Variants in ZBTB17 observed in about 807,000 individuals in gnomAD.
ZBTB17 encodes the protein zinc finger and BTB domain containing 17.
In ZBTB17, 24 loss-of-function variants were observed where a neutral mutation model predicts 85.1. That is an observed-to-expected ratio of 0.28 (90% confidence interval 0.20 to 0.40). The LOEUF (loss-of-function observed/expected upper bound fraction) is 0.40, where lower values mean the gene tolerates loss of function less well. Ranked by LOEUF, ZBTB17 falls within the 10% of genes least tolerant of loss-of-function variation. The probability of loss-of-function intolerance (pLI) is 1.00; values close to 1 mark genes in which losing one functional copy is unlikely to be tolerated. For missense variants in ZBTB17, 743 were observed against 1,105.1 expected, an observed-to-expected ratio of 0.67 and a Z score of 4.65; for synonymous variants, 464 against 460.2, an observed-to-expected ratio of 1.01 and a Z score of -0.11.
In ZBTB17 at chr1:15,942,542, G is replaced by C. The variant is rs150167699; in HGVS notation, c.2025C>G (p.Val675=). 164 of 1,610,956 alleles carry C rather than the reference G, an allele frequency of 1.0e-4. No individual in the cohort carries two copies. Among genetic ancestry groups the C allele is most frequent in the Non-Finnish European group, 1.3e-4 (154 of 1,179,982 alleles). The change falls in exon 14 of 16, where the codon GTC becomes GTG. Residue 675 remains valine (V), a synonymous_variant. Transcript: ENST00000375743. ...LATEALAATA[V]TQLTVVPVGA... is the part of the protein sequence containing the mutation. The stretch of plus-strand genomic sequence containing the variant: ...CACAGCCCGCACCTGTGAGCTGAGT[G>C]ACGGCTGTCGCTGCCAGTGCCTCGG...
At chr1:15,961,768 G>A (rs1308836459) in intron 2 of ZBTB17, among the ~76,000 whole-genome samples, 1 of 152,352 alleles carries the variant, frequency 6.6e-6, no homozygotes, top group East Asian at 1.9e-4. Context: ...ACCCCCAAGT[G>A]TGACCTGGCT....
At chr1:15,949,507 C>T (rs939460062) in intron 2 of ZBTB17, among the ~76,000 whole-genome samples, 5 of 152,378 alleles carry the variant, frequency 3.3e-5, no homozygotes, top group East Asian at 1.9e-4. Flanking sequence ...ACGGCTGTCA[C>T]GCCCTGGCCC....
intron 2 of ZBTB17, among the ~76,000 whole-genome samples, chr1:15,961,855 C>T (rs989005581): frequency 2.6e-5 from 4 of 152,088 alleles, no homozygotes; most frequent in Non-Finnish European, 4.4e-5. Context: ...CATGGGGTGA[C>T]GACATGGGGT....
intron 2 of ZBTB17, among the ~76,000 whole-genome samples, chr1:15,958,051 G>A (rs964377334): frequency 6.6e-5 from 10 of 152,310 alleles, no homozygotes; most frequent in African/African-American, 2.4e-4. Flanking sequence ...CAGAATCCCA[G>A]CTCCAAACTT....
chr1:15,953,652 G>A lies in ZBTB17; in HGVS notation c.-2-5155C>T, dbSNP rs2071944561. On this transcript the variant is annotated intron_variant, in intron 2 of 15. Transcript: ENST00000375743. This position sits in a 1 kb window ranked among gnomAD's most constrained non-coding sequence, Gnocchi z 5.1. ...CCAAGTTCCATACTGCTGCCTCCAC[G>A]ACGCAGGGATTCCAGTGGCGGCTGA... is the stretch of plus-strand genomic sequence containing the variant. Among the ~76,000 whole-genome samples, 1 of 152,186 alleles carries A rather than the reference G, an allele frequency of 6.6e-6. No individual in the cohort carries two copies. Among genetic ancestry groups the A allele is most frequent in the Non-Finnish European group, 1.5e-5 (1 of 68,038 alleles).
At chr1:15,948,155 C>T (rs1385873885) in intron 3 of ZBTB17, 136 bp downstream of exon 3, 3 of 1,022,970 alleles carry the variant, frequency 2.9e-6, no homozygotes, top group African/African-American at 3.2e-5. Flanking sequence ...CTGAATTGCT[C>T]ATGGCCTGAA....
At chr1:15,946,069 T>G (rs1411871900) in intron 5 of ZBTB17, 85 bp downstream of exon 5, 1 of 1,595,542 alleles carries the variant, frequency 6.3e-7, no homozygotes, top group African/African-American at 1.3e-5. Context: ...CCGTGCTACC[T>G]GCCCCAAGGC....
rs757928000 is a variant in ZBTB17 at position 15,944,878 on chromosome 1, CGGT to C, written c.928-42_928-40del. On this transcript the variant is annotated intron_variant, in intron 7 of 15. Transcript: ENST00000375743. ...GGGGAAGCGGGGTGTGAGGAGCAGC[CGGT>C]GGGAGGCCGGAGGGGAGGGACGCTG... 16 of 1,567,486 alleles carry C rather than the reference CGGT, an allele frequency of 1.0e-5. 1 individual carries two copies. In the South Asian group the frequency reaches 1.9e-4, roughly 18 times the overall value.
chr1:15,946,421 G>T, intron 4 of ZBTB17, 127 bp from the exon 5 acceptor site: 2 of 1,420,622 alleles, frequency 1.4e-6, no homozygotes, highest in Non-Finnish European at 1.9e-6. Flanking sequence ...GTGGTTTGCT[G>T]ATTTGTTCAT....
At chr1:15,943,233 C>G (rs2071434805) in intron 12 of ZBTB17, 39 bp from the exon 13 acceptor site, 1 of 1,613,598 alleles carries the variant, frequency 6.2e-7, no homozygotes, top group African/African-American at 1.3e-5. Flanking sequence ...GGAACTGCCC[C>G]AACCTGGGCC....
At chr1:15,948,767 C>T (rs530180213) in intron 2 of ZBTB17, among the ~76,000 whole-genome samples, 8 of 152,196 alleles carry the variant, frequency 5.3e-5, no homozygotes, top group Non-Finnish European at 7.4e-5. Flanking sequence ...CAGCCGCCTC[C>T]GTATTCAGCC....
rs565947845 is a variant in ZBTB17 at position 15,968,212 on chromosome 1, T to C, written c.-3+4827A>G. 1.3e-3 allele frequency among the ~76,000 whole-genome samples: 204 copies of C among 152,286 alleles called. 4 individuals carry two copies. The South Asian group carries it at 0.041, about 31-fold the overall frequency. On this transcript the variant is annotated intron_variant, in intron 2 of 15. Coordinates refer to ENST00000375743, the MANE Select transcript of ZBTB17 (RefSeq NM_003443.3). ...TTAAGGTCAGAGTTCACCATGTCTATTTCCCATATGACAGCCAAATGCCCA... is the reference window on the plus strand; with the variant it reads ...TTAAGGTCAGAGTTCACCATGTCTACTTCCCATATGACAGCCAAATGCCCA...
intron 2 of ZBTB17, among the ~76,000 whole-genome samples, chr1:15,956,305 T>C (rs567432972): frequency 1.6e-4 from 24 of 152,330 alleles, no homozygotes; most frequent in Non-Finnish European, 3.1e-4. Context: ...TATTTCTTCC[T>C]TACAGCTGTT....
chr1:15,952,902 T>G lies in ZBTB17; in HGVS notation c.-2-4405A>C, dbSNP rs957471685. The G allele has an allele frequency of 6.6e-6, 1 of 152,316 alleles. No homozygotes were observed. The highest frequency in any genetic ancestry group is 2.4e-5 in the African/African-American group (1 of 41,458). 9.4% of individuals were successfully genotyped at this position (152,316 alleles called of 1,614,324 possible). ...GTCCACCCATCCAACTAAGAAAGAC[T>G]GACTCACCGATGACTTATGCCACTG... On this transcript the variant is annotated intron_variant, in intron 2 of 15. Coordinates refer to ENST00000375743, the MANE Select transcript of ZBTB17 (RefSeq NM_003443.3). The surrounding 1 kb of genome is among the most constrained non-coding windows in gnomAD (Gnocchi z 4.3).
intron 2 of ZBTB17, among the ~76,000 whole-genome samples, chr1:15,959,013 T>C (rs1274145834): frequency 6.6e-6 from 1 of 152,094 alleles, no homozygotes; most frequent in Non-Finnish European, 1.5e-5. Flanking sequence ...ACCCTTGGGA[T>C]AGGAAAAATG....
At chr1:15,963,132 C>T (rs770161382) in intron 2 of ZBTB17, among the ~76,000 whole-genome samples, 1 of 152,086 alleles carries the variant, frequency 6.6e-6, no homozygotes, top group South Asian at 2.1e-4. Flanking sequence ...TTAAAAGACT[C>T]ACACAATCCA....
In ZBTB17 at chr1:15,943,867, A is replaced by T; in HGVS notation, c.1400T>A (p.Ile467Asn). 6.2e-7 allele frequency: 1 copy of T among 1,608,914 alleles called. No individual in the cohort carries two copies. The highest frequency in any genetic ancestry group is 1.1e-5 in the South Asian group (1 of 90,206). The change falls in exon 10 of 16, where the codon ATC becomes AAC. Residue 467 changes from isoleucine (I) to asparagine (N), a missense_variant. Physicochemically the swap from Ile to Asn is moderately radical, Grantham distance 149. Around this residue, in one of 4 missense-constraint regions of ZBTB17, gnomAD observed 321 missense variants for 615.7 expected, o/e 0.52. Coordinates refer to ENST00000375743, the MANE Select transcript of ZBTB17 (RefSeq NM_003443.3). ...QVGNLKAHLK[I>N]HIADGPLKCR... is the part of the protein sequence containing the mutation. ...CTTGAGGGGCCCGTCAGCGATGTGG[A>T]TCTTCAGGTGGGCCTTCAGGTTCCC...
At chr1:15,959,582 A>G (rs559275350) in intron 2 of ZBTB17, among the ~76,000 whole-genome samples, 263 of 139,606 alleles carry the variant, frequency 1.9e-3, no homozygotes, top group African/African-American at 6.7e-3. Context: ...CAGGGAAGAG[A>G]AGGAGGAGAG....
chr1:15,945,316 A>G, intron 6 of ZBTB17, 114 bp from the exon 7 acceptor site: 2 of 1,465,000 alleles, frequency 1.4e-6, no homozygotes, highest in Non-Finnish European at 1.8e-6. Context: ...GGCCAAGGAA[A>G]GCCCCCGGGG....
Sources: allele counts gnomAD v4.1 joint callset (sites outside exome capture counted in the v4.1 genomes callset), GRCh38; gene constraint gnomAD v4.1.1; regional missense constraint gnomAD v4.1.1; non-coding constraint Gnocchi (gnomAD v3.1); transcripts MANE v1.5; gene names NCBI Gene and HGNC (gene_info 2026-07-23, HGNC 2026-07-21).